Variants in DOCK3 observed in about 807,000 individuals in gnomAD.
The protein encoded by DOCK3 is dedicator of cytokinesis protein 3.
Under a neutral mutation model 265.6 loss-of-function variants are expected in DOCK3, and 60 were observed. The observed-to-expected ratio is 0.23, with a 90% CI of 0.18 to 0.28. DOCK3 has a LOEUF of 0.28. Among genes scored for constraint, DOCK3 ranks in the 10% least tolerant of loss-of-function variants. The pLI, the probability that DOCK3 is intolerant of heterozygous loss-of-function variation, is 1.00. For missense variants in DOCK3, 1,981 were observed against 2,594.3 expected (o/e 0.76, Z 5.14); for synonymous variants, 881 against 938.0 (o/e 0.94, Z 1.11).
chr3:50,936,760 C>G (rs1172966612), intron 5 of DOCK3, among the ~76,000 whole-genome samples: 1 of 152,008 alleles, frequency 6.6e-6, no homozygotes, highest in Non-Finnish European at 1.5e-5. Context: ...AGGAGGAAAG[C>G]TAAGAAAATT....
chr3:51,030,563 T>C (rs1372498615), intron 5 of DOCK3, among the ~76,000 whole-genome samples: 2 of 152,202 alleles, frequency 1.3e-5, no homozygotes, highest in Non-Finnish European at 2.9e-5. Flanking sequence ...GTTGTTTACC[T>C]TCTTGTCAAG....
At chr3:51,093,288 A>T (rs887662170) in intron 9 of DOCK3, among the ~76,000 whole-genome samples, 2 of 152,086 alleles carry the variant, frequency 1.3e-5, no homozygotes, top group Non-Finnish European at 2.9e-5. Flanking sequence ...CATTTTCATT[A>T]TATTGATTCT....
At chr3:51,345,935 T>C (rs2085534089) in intron 38 of DOCK3, among the ~76,000 whole-genome samples, 1 of 152,142 alleles carries the variant, frequency 6.6e-6, no homozygotes, top group Non-Finnish European at 1.5e-5. Context: ...GAGGAATAAG[T>C]GAATAGGGTA....
At chr3:50,847,941 G>A (rs972316088) in intron 3 of DOCK3, among the ~76,000 whole-genome samples, 75 of 146,748 alleles carry the variant, frequency 5.1e-4, no homozygotes, top group Admixed American at 2.3e-3. Flanking sequence ...AAGTCTTTTC[G>A]TAGGTCTAGA....
At chr3:50,982,630 G>A (rs1473444760) in intron 5 of DOCK3, among the ~76,000 whole-genome samples, 1 of 152,224 alleles carries the variant, frequency 6.6e-6, no homozygotes, top group Non-Finnish European at 1.5e-5. Context: ...CAGGGAGGAG[G>A]TGGAGCTGGG....
At position 51,138,516 on chromosome 3, in the gene DOCK3, C is replaced by T. The variant is rs868664199; in HGVS notation, c.747-8033C>T. Among the ~76,000 whole-genome samples the T allele has an allele frequency of 2.6e-5, 4 of 152,124 alleles. No individual in the cohort carries two copies. In the South Asian group the frequency reaches 8.3e-4, roughly 32 times the overall value. On this transcript the variant is annotated intron_variant, in intron 9 of 52. Coordinates refer to ENST00000266037, the MANE Select transcript of DOCK3 (RefSeq NM_004947.5). ...CTGTGAGAACTAAACTTAAGGGCTT[C>T]CTTTCATTATTGAGGAGAAAAAGAG...
At chr3:50,950,756 G>T (rs1245512864) in intron 5 of DOCK3, among the ~76,000 whole-genome samples, 1 of 152,126 alleles carries the variant, frequency 6.6e-6, no homozygotes, top group African/African-American at 2.4e-5. Context: ...CCAGGGATTG[G>T]CAGGTGCTCA....
intron 5 of DOCK3, among the ~76,000 whole-genome samples, chr3:51,053,075 A>AG (rs1491553963): frequency 6.2e-4 from 63 of 101,614 alleles, no homozygotes; most frequent in Non-Finnish European, 1.3e-3. Context: ...TAAAAAAGTC[A>AG]AAGATATATA....
At chr3:50,792,562 A>G (rs539890052) in intron 2 of DOCK3, among the ~76,000 whole-genome samples, 1 of 152,280 alleles carries the variant, frequency 6.6e-6, no homozygotes, top group East Asian at 1.9e-4. Flanking sequence ...CCAGCTTTAT[A>G]GATTGGTTAT....
intron 3 of DOCK3, chr3:50,877,151 G>T: frequency 3.6e-6 from 1 of 280,682 alleles, no homozygotes. Context: ...ATTCCCCCTG[G>T]GAAAGCCACC....
chr3:51,034,805 A>G (rs913568802), intron 5 of DOCK3, among the ~76,000 whole-genome samples: 1 of 151,996 alleles, frequency 6.6e-6, no homozygotes, highest in Non-Finnish European at 1.5e-5. Context: ...TTCTTTTTCT[A>G]CAAATGCCCT....
At chr3:50,796,390 G>A (rs762724657) in intron 2 of DOCK3, among the ~76,000 whole-genome samples, 3 of 150,650 alleles carry the variant, frequency 2.0e-5, no homozygotes, top group Non-Finnish European at 2.9e-5. Context: ...CCAGGCTGGG[G>A]TGCAATGGTG....
intron 12 of DOCK3, among the ~76,000 whole-genome samples, chr3:51,201,929 A>T (rs2088804952): frequency 6.6e-6 from 1 of 152,228 alleles, no homozygotes; most frequent in Non-Finnish European, 1.5e-5. Context: ...ACTACTGGGT[A>T]CATAAAGAAA....
chr3:51,187,073 G>C (rs2087652621), intron 12 of DOCK3, among the ~76,000 whole-genome samples: 1 of 152,172 alleles, frequency 6.6e-6, no homozygotes, highest in Non-Finnish European at 1.5e-5. Flanking sequence ...CAGACAGCTT[G>C]CACCCTGCTC....
chr3:51,342,218 A>G (rs1352556926), intron 38 of DOCK3, among the ~76,000 whole-genome samples: 2 of 152,260 alleles, frequency 1.3e-5, no homozygotes, highest in Non-Finnish European at 2.9e-5. Context: ...ATCAGAAAAC[A>G]TTCTTCAGTT....
intron 5 of DOCK3, among the ~76,000 whole-genome samples, chr3:51,034,751 CTT>C (rs2080191028): frequency 1.3e-5 from 2 of 152,066 alleles, no homozygotes; most frequent in Admixed American, 1.3e-4. Flanking sequence ...AGTATAAAAA[CTT>C]TAGCATTTCT....
chr3:51,008,994 T>C (rs1559929590), intron 5 of DOCK3, among the ~76,000 whole-genome samples: 1 of 152,230 alleles, frequency 6.6e-6, no homozygotes, highest in African/African-American at 2.4e-5. Context: ...GATAAGCTTT[T>C]TGATGTGCCG....
intron 9 of DOCK3, among the ~76,000 whole-genome samples, chr3:51,124,385 G>T (rs556467003): frequency 6.6e-6 from 1 of 152,230 alleles, no homozygotes; most frequent in Non-Finnish European, 1.5e-5. Context: ...TTGAAATGTG[G>T]CTAATGTGAC....
rs1042813758 is a variant in DOCK3, at chr3:50,867,683, G to T, written c.163-22343G>T. On this transcript the variant is annotated intron_variant, in intron 3 of 52. Transcript: ENST00000266037. ...ATGCTTTTTCATAATCAATTGAAATGATCATATGGTTTTTGTCTTTTATTC... is the reference window on the plus strand; with the variant it reads ...ATGCTTTTTCATAATCAATTGAAATTATCATATGGTTTTTGTCTTTTATTC... Among the ~76,000 whole-genome samples the T allele has an allele frequency of 3.3e-5, 5 of 150,816 alleles. No individual in the cohort carries two copies. The South Asian group carries it at 1.1e-3, about 32-fold the overall frequency.
Sources: gnomAD v4.1 joint callset for allele counts (sites outside exome capture counted in the v4.1 genomes callset) on GRCh38, gnomAD v4.1.1 for gene constraint, MANE v1.5 for transcripts, NCBI Gene and HGNC (gene_info 2026-07-23, HGNC 2026-07-21) for gene names.